The following PPWD1 variants were observed in gnomAD, a reference collection of about 807,000 sequenced individuals.
PPWD1 encodes peptidylprolyl isomerase domain and WD repeat-containing protein 1.
In PPWD1, 43 loss-of-function variants were observed where a neutral mutation model predicts 68.8. That is an observed-to-expected ratio of 0.62 (90% confidence interval 0.49 to 0.81). The LOEUF (loss-of-function observed/expected upper bound fraction) is 0.81, where lower values mean the gene tolerates loss of function less well. Ranked by LOEUF, PPWD1 falls within the 30% of genes least tolerant of loss-of-function variation. The pLI is 0.00. For missense variants in PPWD1, 672 were observed against 804.8 expected, an observed-to-expected ratio of 0.83 and a Z score of 2.00; for synonymous variants, 232 against 258.7, an observed-to-expected ratio of 0.90 and a Z score of 0.99.
In PPWD1 at chr5:65,572,287, G is replaced by C; in HGVS notation, c.969+1G>C. ...GAGAGTCTTTGATGAATCACTAAGC[G>C]TAAGTGTAATTTAAATTTAACCGTA... On this transcript the variant is annotated splice_donor_variant, in intron 5 of 10. Transcript: ENST00000261308. LOFTEE classifies it high-confidence loss of function. 6.3e-7 allele frequency: 1 copy of C among 1,590,920 alleles called. No individual in the cohort carries two copies. Among genetic ancestry groups the C allele is most frequent in the Non-Finnish European group, 8.6e-7 (1 of 1,168,782 alleles).
chr5:65,575,960 C>CTA (rs1462232221), intron 5 of PPWD1, among the ~76,000 whole-genome samples: 1 of 152,188 alleles, frequency 6.6e-6, no homozygotes, highest in Non-Finnish European at 1.5e-5. Flanking sequence ...ACCTCATAGT[C>CTA]TATAGCTGCA....
intron 4 of PPWD1, among the ~76,000 whole-genome samples, chr5:65,571,044 C>T (rs1482927204): frequency 6.6e-6 from 1 of 152,158 alleles, no homozygotes; most frequent in African/African-American, 2.4e-5. Context: ...GTCTTGATCA[C>T]CTGTCCTACT....
chr5:65,574,456 T>C (rs1369316438), intron 5 of PPWD1, among the ~76,000 whole-genome samples: 7 of 134,142 alleles, frequency 5.2e-5, no homozygotes, highest in East Asian at 2.1e-4. Flanking sequence ...CTCTTTTTTT[T>C]TTTTTTTTTT....
chr5:65,567,764 C>G (rs1228989908), intron 2 of PPWD1, 149 bp downstream of exon 2: 20 of 1,299,002 alleles, frequency 1.5e-5, no homozygotes, highest in Non-Finnish European at 1.9e-5. Context: ...CATGTTCTTT[C>G]CTATATCGTA....
chr5:65,573,573 C>T (rs1477996809), intron 5 of PPWD1, among the ~76,000 whole-genome samples: 3 of 102,064 alleles, frequency 2.9e-5, no homozygotes, highest in African/African-American at 1.2e-4. Context: ...CGGGTTTCAC[C>T]GTGTTAGCCA....
At chr5:65,563,599 G>A in intron 1 of PPWD1, 93 bp downstream of exon 1, 1 of 1,464,092 alleles carries the variant, frequency 6.8e-7, no homozygotes, top group East Asian at 2.4e-5. Context: ...GATGTGTGGA[G>A]TTTTGTGCCC....
At chr5:65,569,286 T>C (rs1204712723) in intron 2 of PPWD1, 2 of 276,128 alleles carry the variant, frequency 7.2e-6, no homozygotes, top group Non-Finnish European at 1.4e-5. Flanking sequence ...TACTGACAAA[T>C]AGTTTATTTT....
rs375043805 is a variant in PPWD1 at position 65,574,743 on chromosome 5, G to A, written c.970-2136G>A. ...CTCCCAAAGTGCTGGGATTACAGGC[G>A]TGAGCCACCGCGCCCGGCCGGCACA... On this transcript the variant is annotated intron_variant, in intron 5 of 10. Coordinates refer to ENST00000261308, the MANE Select transcript of PPWD1 (RefSeq NM_015342.4). 1.6e-4 allele frequency among the ~76,000 whole-genome samples: 25 copies of A among 152,262 alleles called. No individual in the cohort carries two copies. The South Asian group carries it at 2.5e-3, about 15-fold the overall frequency.
At chr5:65,571,641 A>T in intron 4 of PPWD1, 198 bp from the exon 5 acceptor site, 1 of 482,978 alleles carries the variant, frequency 2.1e-6, no homozygotes, top group Non-Finnish European at 2.7e-6. Flanking sequence ...CTATCATTAT[A>T]CTGATGAGGT....
intron 10 of PPWD1, 189 bp from the exon 11 acceptor site, chr5:65,587,064 T>C: frequency 3.5e-6 from 1 of 286,230 alleles, no homozygotes; most frequent in Non-Finnish European, 5.2e-6. Context: ...ATGCTTCTAT[T>C]TTTTTTAACA....
At chr5:65,567,990 A>G (rs1752851495) in intron 2 of PPWD1, 1 of 158,066 alleles carries the variant, frequency 6.3e-6, no homozygotes, top group African/African-American at 2.4e-5. Flanking sequence ...TTCAAAACAG[A>G]TGAGTAGGTT....
chr5:65,582,102 T>C (rs1753622107), intron 7 of PPWD1, among the ~76,000 whole-genome samples: 1 of 152,046 alleles, frequency 6.6e-6, no homozygotes, highest in African/African-American at 2.4e-5. Flanking sequence ...CCTAACTTGG[T>C]TGTTTATTTG....
rs759235142 is a variant in PPWD1, at chr5:65,587,407, G to C, written c.*11G>C. 8 of 1,585,560 alleles carry C rather than the reference G, an allele frequency of 5.0e-6. No homozygotes were observed. The highest frequency in any genetic ancestry group is 6.9e-6 in the Non-Finnish European group (8 of 1,158,740). The stretch of plus-strand genomic sequence containing the variant: ...ATTACTGTCAAGTAAAATAAGATTT[G>C]TTTTAATGTACTTGCAAATAAAAAT... On this transcript the variant is annotated 3_prime_UTR_variant, in exon 11 of 11. Coordinates refer to ENST00000261308, the MANE Select transcript of PPWD1 (RefSeq NM_015342.4).
At position 65,571,948 on chromosome 5, in the gene PPWD1, G is replaced by A. The variant is rs201155013; in HGVS notation, c.631G>A (p.Asp211Asn). ...GKIFIYDGRG[D>N]NQPLHIFDKL... Reference sequence around the variant, plus strand: ...AATTTTCATTTATGATGGCCGAGGAGATAACCAGCCACTTCATATTTTTGA... The same window carrying A: ...AATTTTCATTTATGATGGCCGAGGAAATAACCAGCCACTTCATATTTTTGA... The change falls in exon 5 of 11, where the codon GAT becomes AAT. Residue 211 changes from aspartate to asparagine, a missense_variant. By Grantham distance (23) the Asp-to-Asn change is conservative. This residue lies in a region of PPWD1 where 484 missense variants were observed against 646.2 expected (regional missense o/e 0.75). Coordinates refer to ENST00000261308, the MANE Select transcript of PPWD1 (RefSeq NM_015342.4). 108 of 1,613,912 alleles carry A rather than the reference G, an allele frequency of 6.7e-5. No homozygotes were observed. Among genetic ancestry groups the A allele is most frequent in the Non-Finnish European group, 8.5e-5 (100 of 1,179,928 alleles).
rs372733806 is a variant in PPWD1, at chr5:65,566,596, A to C, written c.197-917A>C. On this transcript the variant is annotated intron_variant, in intron 1 of 10. Transcript: ENST00000261308. ...AAGGGAAAAGTAGTTTATCAGACACAAGCCTGAAACAGCTCGTCATGTTTA... is the reference window on the plus strand; with the variant it reads ...AAGGGAAAAGTAGTTTATCAGACACCAGCCTGAAACAGCTCGTCATGTTTA... Among the ~76,000 whole-genome samples the C allele has an allele frequency of 2.4e-3, 359 of 152,292 alleles. 2 individuals carry two copies. Among genetic ancestry groups the C allele is most frequent in the African/African-American group, 8.3e-3 (345 of 41,562 alleles).
chr5:65,583,941 GA>G (rs774012110), intron 8 of PPWD1, among the ~76,000 whole-genome samples: 4 of 152,010 alleles, frequency 2.6e-5, no homozygotes, highest in Non-Finnish European at 5.9e-5. Flanking sequence ...AACAGAGTGA[GA>G]CCCTGTTTCT....
intron 2 of PPWD1, 77 bp from the exon 3 acceptor site, chr5:65,569,555 T>G: frequency 8.4e-6 from 12 of 1,436,414 alleles, no homozygotes; most frequent in Non-Finnish European, 1.0e-5. Context: ...AGATTCTTAG[T>G]GAATGATTGC....
chr5:65,563,316 G>A lies in PPWD1; in HGVS notation c.6G>A (p.Ala2=), dbSNP rs763248566. 4 of 1,612,722 alleles carry A rather than the reference G, an allele frequency of 2.5e-6. No homozygotes were observed. The highest frequency in any genetic ancestry group is 2.2e-5 in the East Asian group (1 of 44,884). M[A]AESGSDFQQR... ...TTTCTGACGATGCGAACAACATGGC[G>A]GCGGAAAGTGGTAGCGATTTTCAGC... Residue 2 remains alanine (A), a synonymous_variant, in exon 1 of 11, where the codon GCG becomes GCA. Coordinates refer to ENST00000261308, the MANE Select transcript of PPWD1 (RefSeq NM_015342.4).
In PPWD1 at chr5:65,587,512, T is replaced by A; in HGVS notation, c.*116T>A. ...AGATCATGTTTCAAAGATACAGTAT[T>A]TTTGTATTTTTTATTAAAGGCTATT... is the stretch of plus-strand genomic sequence containing the variant. On this transcript the variant is annotated 3_prime_UTR_variant, in exon 11 of 11. Transcript: ENST00000261308. 1 of 828,896 alleles carries A rather than the reference T, an allele frequency of 1.2e-6. No homozygotes were observed. The allele number at this position is 828,896 out of a possible 1,614,324, so 51.3% of individuals were successfully genotyped here.
Sources: gnomAD v4.1 joint callset for allele counts (sites outside exome capture counted in the v4.1 genomes callset) on GRCh38, gnomAD v4.1.1 for gene constraint, gnomAD v4.1.1 regional missense constraint, MANE v1.5 for transcripts, NCBI Gene and HGNC (gene_info 2026-07-23, HGNC 2026-07-21) for gene names.